NUMA1: variants seen among roughly 807,000 people sequenced by gnomAD.
The protein encoded by NUMA1 is SP-H antigen.
In NUMA1, 62 loss-of-function variants were observed where a neutral mutation model predicts 237.1. The observed-to-expected ratio is 0.26, with a 90% CI of 0.21 to 0.32. The LOEUF is 0.32. NUMA1 is among the 10% of genes least tolerant of loss of function. NUMA1 has a pLI of 1.00. For missense variants in NUMA1, 2,533 were observed against 2,666.5 expected, an observed-to-expected ratio of 0.95 and a Z score of 1.10; for synonymous variants, 1,028 against 1,066.1, an observed-to-expected ratio of 0.96 and a Z score of 0.70.
At position 72,014,571 on chromosome 11, in the gene NUMA1, C is replaced by T. The variant is rs11235419; in HGVS notation, c.2932G>A (p.Gly978Ser). ...GCCCGCAGCCGTTCCAGCTCATTGC[C>T]CATCTGCTCTGCCTCCCGCTCCATA... The part of the protein sequence containing the change: ...QAMEREAEQM[G>S]NELERLRAAL... The change falls in exon 15 of 27, where the codon GGC becomes AGC. Residue 978 changes from glycine to serine, a missense_variant. Physicochemically the swap from Gly to Ser is moderately conservative, Grantham distance 56. Transcript: ENST00000393695. The surrounding 1 kb of genome is among the most constrained non-coding windows in gnomAD (Gnocchi z 4.6). 1,239 of 1,604,156 alleles carry T rather than the reference C, an allele frequency of 7.7e-4. 7 individuals carry two copies. The African/African-American group carries it at 0.015, about 19-fold the overall frequency.
intron 1 of NUMA1, among the ~76,000 whole-genome samples, chr11:72,073,066 A>AAAAAAAAAAAAAAC (rs1943536794): frequency 1.4e-5 from 2 of 148,098 alleles, no homozygotes; most frequent in South Asian, 2.1e-4. Flanking sequence ...AAAAAAAAAA[A>AAAAAAAAAAAAAAC]AAGCTGCCTA....
chr11:72,036,049 T>A, intron 2 of NUMA1, 74 bp from the exon 3 acceptor site: 2 of 1,175,650 alleles, frequency 1.7e-6, no homozygotes, highest in Non-Finnish European at 2.5e-6. Flanking sequence ...GGCGAAATGG[T>A]TCAATTTGCC....
At chr11:72,005,105 GAGA>G (rs1351121818) in intron 23 of NUMA1, 125 bp downstream of exon 23, 8 of 1,120,042 alleles carry the variant, frequency 7.1e-6, no homozygotes, top group East Asian at 2.6e-5. Flanking sequence ...CTGGAAACAT[GAGA>G]AGGTCACCCT....
intron 2 of NUMA1, among the ~76,000 whole-genome samples, chr11:72,056,654 A>AAAAAAAAAAAAAAAAAAAAAC (rs1942668438): frequency 1.6e-5 from 2 of 123,484 alleles, no homozygotes; most frequent in African/African-American, 2.8e-5. Flanking sequence ...AAAAAAAAAA[A>AAAAAAAAAAAAAAAAAAAAAC]AAAAAAGGCA....
At chr11:72,011,195 A>G (rs1255586561) in intron 16 of NUMA1, among the ~76,000 whole-genome samples, 2 of 152,096 alleles carry the variant, frequency 1.3e-5, no homozygotes, top group East Asian at 3.9e-4. Flanking sequence ...CTGCCGCCAC[A>G]CTCTGCAGCC....
chr11:72,044,011 A>G (rs2135919556), intron 2 of NUMA1, among the ~76,000 whole-genome samples: 1 of 152,278 alleles, frequency 6.6e-6, no homozygotes, highest in Admixed American at 6.5e-5. Flanking sequence ...AGTGCATACT[A>G]TGTACGCGAC....
At chr11:72,067,043 CA>C (rs1943231940) in intron 2 of NUMA1, 2 of 152,170 alleles carry the variant, frequency 1.3e-5, no homozygotes, top group African/African-American at 4.8e-5. Flanking sequence ...TATGTTTACA[CA>C]ATCCTAATTA....
chr11:72,062,063 A>G (rs1454111982), intron 2 of NUMA1, among the ~76,000 whole-genome samples: 1 of 152,112 alleles, frequency 6.6e-6, no homozygotes, highest in Non-Finnish European at 1.5e-5. Flanking sequence ...GTGGGAAAGG[A>G]AGGCCAATTC....
Position 72,015,015 on chromosome 11 carries a change from T to C in NUMA1, c.2488A>G (p.Met830Val), listed in dbSNP as rs1956426170. The part of the protein sequence containing the change: ...SQQEEAQYGA[M>V]FQEQLMTLKE... ...AAAGTCATCAGCTGTTCCTGGAACATGGCGCCATACTGTGCCTCCTCTTGC... is the reference window on the plus strand; with the variant it reads ...AAAGTCATCAGCTGTTCCTGGAACACGGCGCCATACTGTGCCTCCTCTTGC... Residue 830 changes from methionine (M) to valine (V), a missense_variant, in exon 15 of 27, where the codon ATG (methionine) becomes GTG (valine). Met to Val is a conservative substitution (Grantham distance 21). Around this residue, in one of 3 missense-constraint regions of NUMA1, gnomAD observed 1,414 missense variants for 1,508.1 expected, o/e 0.94. Coordinates refer to ENST00000393695, the MANE Select transcript of NUMA1 (RefSeq NM_006185.4). The surrounding 1 kb of genome is among the most constrained non-coding windows in gnomAD (Gnocchi z 4.0). The C allele has an allele frequency of 1.9e-6, 3 of 1,614,106 alleles. No homozygotes were observed. Among genetic ancestry groups the C allele is most frequent in the Non-Finnish European group, 2.5e-6 (3 of 1,180,030 alleles).
At chr11:72,032,686 T>A (rs947447268) in intron 3 of NUMA1, among the ~76,000 whole-genome samples, 1 of 152,240 alleles carries the variant, frequency 6.6e-6, no homozygotes, top group African/African-American at 2.4e-5. Context: ...AGTCAGGGCA[T>A]AAAACATGAG....
At chr11:72,076,991 GA>G (rs1457010414) in intron 1 of NUMA1, among the ~76,000 whole-genome samples, 1 of 152,000 alleles carries the variant, frequency 6.6e-6, no homozygotes, top group Non-Finnish European at 1.5e-5. Flanking sequence ...TCTAATAAAT[GA>G]AAAAGTTAGC....
At chr11:72,003,738 G>C (rs1400522280) in intron 26 of NUMA1, 149 bp downstream of exon 26, 3 of 1,012,494 alleles carry the variant, frequency 3.0e-6, no homozygotes, top group Non-Finnish European at 4.5e-6. Context: ...TCTCTCCTTG[G>C]AGAGGAGCTA....
chr11:72,061,488 T>TC (rs1942939587), intron 2 of NUMA1, among the ~76,000 whole-genome samples: 1 of 23,154 alleles, frequency 4.3e-5, no homozygotes, highest in African/African-American at 1.2e-4. Flanking sequence ...TTCTTTTCTT[T>TC]TTTTTTTTTT....
At chr11:72,044,113 G>A (rs1941857762) in intron 2 of NUMA1, among the ~76,000 whole-genome samples, 1 of 152,110 alleles carries the variant, frequency 6.6e-6, no homozygotes, top group South Asian at 2.1e-4. Flanking sequence ...TTAGAGAGGA[G>A]GATATTGAGC....
At chr11:72,076,266 T>C (rs1170237911) in intron 1 of NUMA1, among the ~76,000 whole-genome samples, 1 of 151,996 alleles carries the variant, frequency 6.6e-6, no homozygotes, top group Non-Finnish European at 1.5e-5. Flanking sequence ...CCCAGCTACT[T>C]GGGAGGCTGA....
intron 1 of NUMA1, among the ~76,000 whole-genome samples, chr11:72,075,933 A>G (rs1004660380): frequency 5.9e-5 from 9 of 152,252 alleles, no homozygotes; most frequent in African/African-American, 2.2e-4. Flanking sequence ...TCTTGAGTCC[A>G]CAAAAGGCAC....
chr11:72,017,316 G>A (rs981171342), intron 13 of NUMA1: 1 of 312,846 alleles, frequency 3.2e-6, no homozygotes, highest in Non-Finnish European at 6.3e-6. Context: ...ACTACACGAT[G>A]TGTGAAGTGC....
intron 1 of NUMA1, among the ~76,000 whole-genome samples, chr11:72,079,239 CTT>C (rs1943889587): frequency 6.6e-6 from 1 of 152,080 alleles, no homozygotes; most frequent in African/African-American, 2.4e-5. Flanking sequence ...AACACGCAGA[CTT>C]TTAAAATACC....
At chr11:72,056,635 T>TTAAAAAAAAAA (rs1281316084) in intron 2 of NUMA1, among the ~76,000 whole-genome samples, 3 of 76,008 alleles carry the variant, frequency 3.9e-5, no homozygotes, top group African/African-American at 1.9e-4. Context: ...CCCATCTCTT[T>TTAAAAAAAAAA]AAAAAAAAAA....
Sources: allele counts gnomAD v4.1 joint callset (sites outside exome capture counted in the v4.1 genomes callset), GRCh38; gene constraint gnomAD v4.1.1; regional missense constraint gnomAD v4.1.1; non-coding constraint Gnocchi (gnomAD v3.1); transcripts MANE v1.5; gene names NCBI Gene and HGNC (gene_info 2026-07-23, HGNC 2026-07-21).